Variants in CUL2 observed in about 807,000 individuals in gnomAD.
CUL2 encodes cullin-2.
In CUL2, 22 loss-of-function variants were observed where a neutral mutation model predicts 110.2. That is an observed-to-expected ratio of 0.20 (90% CI 0.14 to 0.28). CUL2 has a LOEUF of 0.28. Among genes scored for constraint, CUL2 ranks in the 10% least tolerant of loss-of-function variants. The probability of loss-of-function intolerance (pLI) is 1.00; values close to 1 mark genes in which losing one functional copy is unlikely to be tolerated. For synonymous variants in CUL2, 279 were observed against 293.2 expected, an observed-to-expected ratio of 0.95 and a Z score of 0.49; for missense variants, 631 against 905.5, an observed-to-expected ratio of 0.70 and a Z score of 3.89.
chr10:35,036,227 T>C (rs1259237600), intron 9 of CUL2, among the ~76,000 whole-genome samples: 1 of 152,172 alleles, frequency 6.6e-6, no homozygotes, highest in Admixed American at 6.5e-5. Context: ...GTCTGGCTTC[T>C]TGTGTTCAAC....
At position 35,016,475 on chromosome 10, in the gene CUL2, C is replaced by T. The variant is rs183070648; in HGVS notation, c.1685-81G>A. ...TTTACTTTATTTCAGACATTTTCTT[C>T]GGAAAGAGTGAACCAATAATTTTAT... is the stretch of plus-strand genomic sequence containing the variant. On this transcript the variant is annotated intron_variant, in intron 17 of 20. Coordinates refer to ENST00000374749, the MANE Select transcript of CUL2 (RefSeq NM_003591.4). 112 of 1,070,028 alleles carry T rather than the reference C, an allele frequency of 1.0e-4. No individual in the cohort carries two copies. In the East Asian group the frequency reaches 1.7e-3, roughly 16 times the overall value. 66.3% of individuals were successfully genotyped at this position (1,070,028 alleles called of 1,614,324 possible).
intron 2 of CUL2, among the ~76,000 whole-genome samples, chr10:35,067,980 G>A (rs1472865679): frequency 3.3e-5 from 5 of 151,486 alleles, no homozygotes; most frequent in Non-Finnish European, 7.4e-5. Context: ...CATTGTGGTG[G>A]GCGCCTGTAG....
intron 2 of CUL2, among the ~76,000 whole-genome samples, chr10:35,067,735 C>A (rs1295441413): frequency 1.3e-5 from 2 of 149,266 alleles, no homozygotes; most frequent in African/African-American, 5.0e-5. Flanking sequence ...CAGAGTGAGA[C>A]CCTGCCACAA....
In CUL2 at chr10:35,027,373, T is replaced by C. The variant is rs2085363062; in HGVS notation, c.1617+1437A>G. Reference sequence around the variant, plus strand: ...GTTAGCCAGGATGGTCTCAATCTCCTGACCTCATGATCCGCCCGCCTCGGC... The same window carrying C: ...GTTAGCCAGGATGGTCTCAATCTCCCGACCTCATGATCCGCCCGCCTCGGC... On this transcript the variant is annotated intron_variant, in intron 16 of 20. Coordinates refer to ENST00000374749, the MANE Select transcript of CUL2 (RefSeq NM_003591.4). Among the ~76,000 whole-genome samples, 3 of 152,020 alleles carry C rather than the reference T, an allele frequency of 2.0e-5. No homozygotes were observed. In the South Asian group the frequency reaches 6.2e-4, roughly 32 times the overall value.
intron 9 of CUL2, among the ~76,000 whole-genome samples, chr10:35,038,413 C>T (rs933830569): frequency 2.0e-5 from 3 of 147,494 alleles, no homozygotes; most frequent in Non-Finnish European, 4.5e-5. Flanking sequence ...GTAATCCCAG[C>T]TACTCAGGAG....
rs193038195 is a variant in CUL2 at position 35,018,156 on chromosome 10, G to A, written c.1685-1762C>T. Among the ~76,000 whole-genome samples the A allele has an allele frequency of 2.3e-3, 342 of 149,422 alleles. 3 individuals carry two copies. The highest frequency in any genetic ancestry group is 7.8e-3 in the African/African-American group (318 of 40,662). ...AAAAAAACTAGCAGGGCGCAGTGGC[G>A]GACACCTGTAATCCCAGCTACTCGG... On this transcript the variant is annotated intron_variant, in intron 17 of 20. Coordinates refer to ENST00000374749, the MANE Select transcript of CUL2 (RefSeq NM_003591.4).
chr10:35,010,333 T>C lies in CUL2; in HGVS notation c.2216A>G (p.Asp739Gly), dbSNP rs964032175. Residue 739 changes from aspartate to glycine, a missense_variant, in exon 21 of 21, where the codon GAT becomes GGT. Physicochemically the swap from Asp to Gly is moderately conservative, Grantham distance 94. This residue lies in a region of CUL2 where 159 missense variants were observed against 202.7 expected (regional missense o/e 0.78). Coordinates refer to ENST00000374749, the MANE Select transcript of CUL2 (RefSeq NM_003591.4). ...ACATCACGCGACGTAGCTGTATTCA[T>C]CTGCCGACGCCTGGCTGCGTTCTAT... ...QYIERSQASA[D>G]EYSYVA 1 of 1,610,740 alleles carries C rather than the reference T, an allele frequency of 6.2e-7. No homozygotes were observed. Among genetic ancestry groups the C allele is most frequent in the Non-Finnish European group, 8.5e-7 (1 of 1,178,486 alleles).
chr10:35,010,257 A>G lies in CUL2; in HGVS notation c.*54T>C. 1 of 1,500,144 alleles carries G rather than the reference A, an allele frequency of 6.7e-7. No individual in the cohort carries two copies. Among genetic ancestry groups the G allele is most frequent in the Admixed American group, 2.1e-5 (1 of 48,338 alleles). 92.9% of individuals were successfully genotyped at this position (1,500,144 alleles called of 1,614,324 possible). A position where few individuals can be genotyped will look rare whatever the true frequency, so the allele number is the denominator to read the frequency against. ...CAGTCCTGCTTTTTCCCACAGGAAC[A>G]CACCAAATGGTGATGGCAATGATCT... On this transcript the variant is annotated 3_prime_UTR_variant, in exon 21 of 21. Transcript: ENST00000374749.
Position 35,011,870 on chromosome 10 carries a change from C to T in CUL2, c.2084G>A (p.Arg695Gln), listed in dbSNP as rs777675857. 9 of 1,611,994 alleles carry T rather than the reference C, an allele frequency of 5.6e-6. No homozygotes were observed. Among genetic ancestry groups the T allele is most frequent in the South Asian group, 1.1e-5 (1 of 91,008 alleles). ...VRIMKARKVL[R>Q]HNALIQEVIS... Reference sequence around the variant, plus strand: ...TACCTCTTGAATAAGGGCATTGTGCCGAAGCACTTTTCGTGCTTTCATGAT... The same window carrying T: ...TACCTCTTGAATAAGGGCATTGTGCTGAAGCACTTTTCGTGCTTTCATGAT... The change falls in exon 20 of 21, where the codon CGG becomes CAG. Residue 695 changes from arginine (R) to glutamine (Q), a missense_variant. Coordinates refer to ENST00000374749, the MANE Select transcript of CUL2 (RefSeq NM_003591.4).
upstream of CUL2, among the ~76,000 whole-genome samples, chr10:35,091,607 T>C (rs774561073): frequency 2.6e-5 from 4 of 151,862 alleles, no homozygotes; most frequent in Non-Finnish European, 5.9e-5. Flanking sequence ...TTGTTAACAA[T>C]GCAATATGTC....
At chr10:35,035,078 T>A (rs2085585516) in intron 10 of CUL2, 94 bp downstream of exon 10, 1 of 1,457,242 alleles carries the variant, frequency 6.9e-7, no homozygotes. Context: ...TGGTAAGACT[T>A]TTTCTTTCAT....
intron 1 of CUL2, among the ~76,000 whole-genome samples, chr10:35,077,582 C>T (rs1201348866): frequency 1.3e-5 from 2 of 151,760 alleles, no homozygotes; most frequent in Non-Finnish European, 2.9e-5. Flanking sequence ...CTTTGGGAGG[C>T]CGAGGCAGGC....
chr10:35,089,790 G>A (rs2087157637), intron 1 of CUL2: 1 of 150,942 alleles, frequency 6.6e-6, no homozygotes, highest in Admixed American at 6.6e-5. Context: ...GAAAACACTC[G>A]GGGTAAGGAT....
intron 1 of CUL2, among the ~76,000 whole-genome samples, chr10:35,087,813 T>C (rs1316886912): frequency 6.6e-6 from 1 of 152,188 alleles, no homozygotes; most frequent in Non-Finnish European, 1.5e-5. Flanking sequence ...TCTTCTCCAA[T>C]CAACAGTCTG....
chr10:35,050,348 T>C (rs1275779679), intron 5 of CUL2, among the ~76,000 whole-genome samples: 1 of 152,160 alleles, frequency 6.6e-6, no homozygotes, highest in African/African-American at 2.4e-5. Context: ...ACTTAATTTT[T>C]TGATTGTTAA....
intron 6 of CUL2, among the ~76,000 whole-genome samples, chr10:35,048,567 G>A (rs183065693): frequency 3.3e-5 from 5 of 152,250 alleles, no homozygotes; most frequent in African/African-American, 9.6e-5. Context: ...ATTTTAGCAG[G>A]AGAAATTATA....
chr10:35,102,658 G>A (rs1048717634), intron 1 of CUL2, among the ~76,000 whole-genome samples: 2 of 152,038 alleles, frequency 1.3e-5, no homozygotes, highest in Non-Finnish European at 2.9e-5. Flanking sequence ...ACCGAGGCGG[G>A]TGGATCATGA....
intron 1 of CUL2, among the ~76,000 whole-genome samples, chr10:35,104,590 A>G (rs943413026): frequency 6.6e-6 from 1 of 152,190 alleles, no homozygotes. Flanking sequence ...TGTGTTAAGC[A>G]TAGGGTAAAT....
intron 14 of CUL2, 122 bp from the exon 15 acceptor site, chr10:35,029,762 C>T (rs947022047): frequency 4.7e-6 from 3 of 632,342 alleles, no homozygotes; most frequent in Non-Finnish European, 7.7e-6. Context: ...ACACTTATAC[C>T]CAAGGACTAG....
Sources: gnomAD v4.1 joint callset for allele counts (sites outside exome capture counted in the v4.1 genomes callset) on GRCh38, gnomAD v4.1.1 for gene constraint, gnomAD v4.1.1 regional missense constraint, MANE v1.5 for transcripts, NCBI Gene and HGNC (gene_info 2026-07-23, HGNC 2026-07-21) for gene names.